Variants in SMC1A observed in about 807,000 individuals in gnomAD.
The protein encoded by SMC1A is structural maintenance of chromosomes protein 1A.
A neutral mutation model predicts 94.5 loss-of-function variants in SMC1A; 4 were observed. The ratio of observed to expected loss-of-function variants is 0.04; its 90% CI spans 0.02 to 0.10. The LOEUF is 0.10. SMC1A is among the 10% of genes least tolerant of loss of function. SMC1A has a pLI of 1.00. For missense variants in SMC1A, 304 were observed against 989.0 expected (o/e 0.31, Z 9.29); for synonymous variants, 345 against 347.7 (o/e 0.99, Z 0.09).
intron 9 of SMC1A, 24 bp from the exon 10 acceptor site, chrX:53,405,980 C>T: frequency 8.4e-7 from 1 of 1,195,553 alleles, no homozygotes. Context: ...GAAGGGAAAA[C>T]TGAAGTATGA....
intron 23 of SMC1A, 137 bp downstream of exon 23, chrX:53,380,881 T>A: frequency 3.1e-6 from 2 of 639,954 alleles, no homozygotes; most frequent in Non-Finnish European, 5.2e-6. Context: ...TACCACAGCA[T>A]GGATGACTCT....
intron 7 of SMC1A, among the ~76,000 whole-genome samples, chrX:53,410,261 A>G (rs2075706112): frequency 8.9e-6 from 1 of 111,749 alleles, no homozygotes; most frequent in South Asian, 3.7e-4. Context: ...TTGGGAGGCC[A>G]AGGCAGGCTG....
intron 13 of SMC1A, 43 bp from the exon 14 acceptor site, chrX:53,403,936 T>C: frequency 1.0e-6 from 1 of 978,418 alleles, no homozygotes; most frequent in Non-Finnish European, 1.5e-6. Flanking sequence ...CCAGGCTCCT[T>C]GGAGAAAAAG....
In SMC1A at chrX:53,420,425, G is replaced by A. The variant is rs142863476; in HGVS notation, c.109+2067C>T. Among the ~76,000 whole-genome samples, 517 of 107,884 alleles carry A rather than the reference G, an allele frequency of 4.8e-3. 3 individuals are homozygous for A. Among genetic ancestry groups the A allele is most frequent in the Middle Eastern group, 0.019 (4 of 211 alleles). 93.7% of individuals were successfully genotyped at this position (107,884 alleles called of 115,157 possible). A position where few individuals can be genotyped will look rare whatever the true frequency, so the allele number is the denominator to read the frequency against. On this transcript the variant is annotated intron_variant, in intron 1 of 24. Transcript: ENST00000322213. ...TGTAGTCCCAGCTACTTGGGAGGCT[G>A]AGGCACGAGAATCACTTGAACCCAA...
chrX:53,382,614 G>A lies in SMC1A; in HGVS notation c.3177C>T (p.Phe1059=), dbSNP rs375312256. ...RKRAKKAKQA[F]EQIKKERFDR... The stretch of plus-strand genomic sequence containing the variant: ...CAAAGCGCTCCTTCTTGATCTGTTC[G>A]AATGCCTGCTTGGCCTTCTTTGCTC... Residue 1059 remains phenylalanine (F), a synonymous_variant, in exon 21 of 25, where the codon TTC becomes TTT. Transcript: ENST00000322213. The A allele has an allele frequency of 3.0e-5, 36 of 1,209,808 alleles. No individual in the cohort carries two copies. The highest frequency in any genetic ancestry group is 3.7e-5 in the Non-Finnish European group (33 of 895,113).
Position 53,399,746 on chromosome X carries a change from G to A in SMC1A, c.2421-16C>T, listed in dbSNP as rs782313664. ...AAACTCCAAACTGTGTATAAAGGTG[G>A]GGGGAGAATCACTCATAATCTCATC... is the stretch of plus-strand genomic sequence containing the variant. On this transcript the variant is annotated splice_polypyrimidine_tract_variant and intron_variant, in intron 15 of 24. Coordinates refer to ENST00000322213, the MANE Select transcript of SMC1A (RefSeq NM_006306.4). The A allele has an allele frequency of 8.3e-6, 10 of 1,198,370 alleles. No homozygotes were observed. The African/African-American group carries it at 1.4e-4, about 17-fold the overall frequency.
chrX:53,398,805 T>C (rs888696869), intron 16 of SMC1A, among the ~76,000 whole-genome samples: 9 of 111,825 alleles, frequency 8.0e-5, no homozygotes, highest in African/African-American at 2.3e-4. Context: ...TTTGGAACTA[T>C]AAATAATGCT....
chrX:53,399,796 A>G, intron 15 of SMC1A, 66 bp from the exon 16 acceptor site: 1 of 1,082,412 alleles, frequency 9.2e-7, no homozygotes, highest in Non-Finnish European at 1.3e-6. Flanking sequence ...AATGTACAAA[A>G]TCCAACTATG....
intron 9 of SMC1A, 94 bp from the exon 10 acceptor site, chrX:53,406,050 A>T (rs2075689871): frequency 4.9e-6 from 4 of 818,794 alleles, no homozygotes; most frequent in South Asian, 4.2e-5. Flanking sequence ...GACAGACTAG[A>T]ATCTATATCA....
intron 1 of SMC1A, among the ~76,000 whole-genome samples, chrX:53,416,452 G>A (rs782248596): frequency 1.2e-4 from 13 of 106,603 alleles, no homozygotes; most frequent in Middle Eastern, 4.9e-3. Context: ...GTGCAGTGGC[G>A]TGATCTCAGC....
chrX:53,415,209 A>G (rs1383651060), intron 1 of SMC1A, 40 bp from the exon 2 acceptor site: 3 of 1,096,487 alleles, frequency 2.7e-6, no homozygotes, highest in Non-Finnish European at 3.8e-6. Context: ...GAAAGTCAGG[A>G]TGAAGAGGAG....
rs2075763876 is a variant in SMC1A at position 53,422,430 on chromosome X, C to G, written c.109+62G>C. The G allele has an allele frequency of 5.7e-5, 46 of 803,181 alleles. No homozygotes were observed. The South Asian group carries it at 7.8e-4, about 14-fold the overall frequency. The allele number at this position is 803,181 out of a possible 1,213,427, so 66.2% of individuals were successfully genotyped here. Reference sequence around the variant, plus strand: ...GTTACATGGGCTGGGTTGTACTACTCCGGCACCGGATAAGGGGTCCAGGCC... The same window carrying G: ...GTTACATGGGCTGGGTTGTACTACTGCGGCACCGGATAAGGGGTCCAGGCC... On this transcript the variant is annotated intron_variant, in intron 1 of 24. Transcript: ENST00000322213.
In SMC1A at chrX:53,405,262, A is replaced by G; in HGVS notation, c.2041T>C (p.Leu681=). ...TGGCTTACTTTCAGCTCCTCTGTCAAGCGCTCCTTCTTCTCTTTCAACTTG... is the reference window on the plus strand; with the variant it reads ...TGGCTTACTTTCAGCTCCTCTGTCAGGCGCTCCTTCTTCTCTTTCAACTTG... ...VDKLKEKKER[L]TEELKEQMKA... The change falls in exon 12 of 25, where the codon TTG becomes CTG. Residue 681 remains leucine, a synonymous_variant. Transcript: ENST00000322213. The G allele has an allele frequency of 8.3e-7, 1 of 1,211,919 alleles. No individual in the cohort carries two copies. Among genetic ancestry groups the G allele is most frequent in the Non-Finnish European group, 1.1e-6 (1 of 895,549 alleles).
rs2075552910 is a variant in SMC1A, at chrX:53,374,516, T to C, written c.*5587A>G. On this transcript the variant is annotated 3_prime_UTR_variant, in exon 25 of 25. Transcript: ENST00000322213. Reference sequence around the variant, plus strand: ...GGCTTTTCTGCATTGTAGCTCCTGCTGCCTCTTCCATTCCTGTTGCCATGT... The same window carrying C: ...GGCTTTTCTGCATTGTAGCTCCTGCCGCCTCTTCCATTCCTGTTGCCATGT... The C allele has an allele frequency of 8.9e-6, 1 of 112,284 alleles. No individual in the cohort carries two copies. Among genetic ancestry groups the C allele is most frequent in the Non-Finnish European group, 1.9e-5 (1 of 53,290 alleles). 9.3% of individuals were successfully genotyped at this position (112,284 alleles called of 1,213,427 possible). A position where few individuals can be genotyped will look rare whatever the true frequency, so the allele number is the denominator to read the frequency against.
Position 53,405,229 on chromosome X carries a change from A to T in SMC1A, c.2058+16T>A, listed in dbSNP as rs1300598009. On this transcript the variant is annotated intron_variant, in intron 12 of 24. Coordinates refer to ENST00000322213, the MANE Select transcript of SMC1A (RefSeq NM_006306.4). ...TAGGACTCCCACTGCTAAAAACAGC[A>T]CTGCCTGTGGCTTACTTTCAGCTCC... 1.6e-5 allele frequency: 19 copies of T among 1,210,547 alleles called. No homozygotes were observed. Among genetic ancestry groups the T allele is most frequent in the Non-Finnish European group, 1.8e-5 (16 of 895,312 alleles).
Position 53,412,855 on chromosome X carries a change from G to A in SMC1A, c.854+45C>T, listed in dbSNP as rs150040078. On this transcript the variant is annotated intron_variant, in intron 5 of 24. Coordinates refer to ENST00000322213, the MANE Select transcript of SMC1A (RefSeq NM_006306.4). ...CAGAGGAACCCTAATAAACAGCACG[G>A]CCTCTTGGTTTCCCACAAGTTGCAG... 71 of 1,208,609 alleles carry A rather than the reference G, an allele frequency of 5.9e-5. No individual in the cohort carries two copies. In the African/African-American group the frequency reaches 1.1e-3, roughly 19 times the overall value.
chrX:53,394,925 G>A (rs1556887806), intron 18 of SMC1A, 37 bp from the exon 19 acceptor site: 1 of 852,667 alleles, frequency 1.2e-6, no homozygotes. Flanking sequence ...GAGCAGACTG[G>A]CCATGAGAGT....
At chrX:53,388,434 G>A (rs1475659823) in intron 19 of SMC1A, among the ~76,000 whole-genome samples, 1 of 109,629 alleles carries the variant, frequency 9.1e-6, no homozygotes, top group African/African-American at 3.3e-5. Flanking sequence ...TGGGTATGTG[G>A]GTCTCCTTTT....
At chrX:53,418,224 T>C (rs1456885040) in intron 1 of SMC1A, among the ~76,000 whole-genome samples, 1 of 112,488 alleles carries the variant, frequency 8.9e-6, no homozygotes, top group African/African-American at 3.2e-5. Context: ...AGATTGCACC[T>C]ACCAAGTTCA....
Sources: allele counts gnomAD v4.1 joint callset (sites outside exome capture counted in the v4.1 genomes callset), GRCh38; gene constraint gnomAD v4.1.1; transcripts MANE v1.5; gene names NCBI Gene and HGNC (gene_info 2026-07-23, HGNC 2026-07-21).